Variants in RNLS observed in about 807,000 individuals in gnomAD.
The protein encoded by RNLS is renalase.
Under a neutral mutation model 39.8 loss-of-function variants are expected in RNLS, and 39 were observed. The observed-to-expected ratio is 0.98, with a 90% CI of 0.76 to 1.28. The LOEUF is 1.28. RNLS is among the 50% of genes most tolerant of loss of function. The probability of loss-of-function intolerance (pLI) is 0.00; values close to 1 mark genes in which losing one functional copy is unlikely to be tolerated. For synonymous variants in RNLS, 147 were observed against 150.7 expected (o/e 0.98, Z 0.18); for missense variants, 410 against 413.3 (o/e 0.99, Z 0.07).
chr10:88,457,088 C>A (rs1317090494), intron 4 of RNLS, among the ~76,000 whole-genome samples: 1 of 152,206 alleles, frequency 6.6e-6, no homozygotes, highest in African/African-American at 2.4e-5. Flanking sequence ...TAGCTAAAAT[C>A]CCTGAAGCCC....
chr10:88,581,276 A>ATG (rs1564920956), intron 3 of RNLS, among the ~76,000 whole-genome samples: 76 of 133,916 alleles, frequency 5.7e-4, no homozygotes, highest in African/African-American at 2.2e-3. Flanking sequence ...AGAAATATAT[A>ATG]TGTATGTGTG....
chr10:88,173,253 A>G, the RNLS span, among the ~76,000 whole-genome samples: 298 of 152,264 alleles, frequency 2.0e-3, 2 homozygotes, highest in South Asian at 7.3e-3. Flanking sequence ...CCTTTCTTCA[A>G]TGCATTTTCT....
chr10:88,344,227 A>G (rs139423790), intron 5 of RNLS, among the ~76,000 whole-genome samples: 2 of 152,322 alleles, frequency 1.3e-5, no homozygotes, highest in East Asian at 3.9e-4. Flanking sequence ...TGAGCAAAAT[A>G]CATCTCAGGG....
chr10:88,505,498 G>C (rs1253330473), intron 4 of RNLS, among the ~76,000 whole-genome samples: 11 of 151,584 alleles, frequency 7.3e-5, no homozygotes, highest in Non-Finnish European at 1.5e-4. Flanking sequence ...GAGGAGGCAA[G>C]AAAGTAGGGG....
At chr10:88,351,628 T>C (rs995976459) in intron 5 of RNLS, among the ~76,000 whole-genome samples, 4 of 152,268 alleles carry the variant, frequency 2.6e-5, no homozygotes, top group Non-Finnish European at 5.9e-5. Flanking sequence ...TTTTGGTTAC[T>C]GTAGCCTTGT....
chr10:88,392,432 CAG>C (rs1328281877), intron 4 of RNLS, among the ~76,000 whole-genome samples: 2 of 152,206 alleles, frequency 1.3e-5, no homozygotes, highest in African/African-American at 2.4e-5. Flanking sequence ...AAAGTGAAGG[CAG>C]AGTTTCATAC....
the RNLS span, among the ~76,000 whole-genome samples, chr10:88,196,458 C>A: frequency 6.6e-6 from 1 of 152,182 alleles, no homozygotes; most frequent in Non-Finnish European, 1.5e-5. Context: ...GGTCCACACC[C>A]TTTGCCATGT....
chr10:88,247,136 G>T, the RNLS span, among the ~76,000 whole-genome samples: 1 of 152,164 alleles, frequency 6.6e-6, no homozygotes, highest in Non-Finnish European at 1.5e-5. Context: ...AAGTGGAGGA[G>T]AGATGAAGCT....
At chr10:88,573,563 G>A (rs1849980491) in intron 3 of RNLS, among the ~76,000 whole-genome samples, 1 of 152,116 alleles carries the variant, frequency 6.6e-6, no homozygotes, top group Non-Finnish European at 1.5e-5. Context: ...TCCCATTAAA[G>A]GACCTGAAAA....
chr10:88,372,922 T>C (rs1205409907), intron 4 of RNLS, among the ~76,000 whole-genome samples: 1 of 152,166 alleles, frequency 6.6e-6, no homozygotes, highest in East Asian at 1.9e-4. Context: ...TATTATGCCA[T>C]CATTCTTTTT....
At chr10:88,250,842 C>A in the RNLS span, among the ~76,000 whole-genome samples, 2 of 152,074 alleles carry the variant, frequency 1.3e-5, no homozygotes, top group African/African-American at 4.8e-5. Context: ...AAATATAATT[C>A]GTGAAAGAGG....
chr10:88,551,305 T>G (rs893582498), intron 4 of RNLS, among the ~76,000 whole-genome samples: 3 of 152,212 alleles, frequency 2.0e-5, no homozygotes, highest in African/African-American at 4.8e-5. Flanking sequence ...TATCTAAAAT[T>G]TTTTAATATT....
chr10:88,433,377 TTTTGGTTTCATCA>T (rs1855255775), intron 4 of RNLS, among the ~76,000 whole-genome samples: 1 of 151,948 alleles, frequency 6.6e-6, no homozygotes, highest in African/African-American at 2.4e-5. Flanking sequence ...AGAGTATGAG[TTTTGGTTTCATCA>T]TTTGATCACT....
the RNLS span, among the ~76,000 whole-genome samples, chr10:88,193,297 C>T: frequency 2.6e-5 from 4 of 152,074 alleles, no homozygotes; most frequent in East Asian, 1.9e-4. Flanking sequence ...TTTAGAGCTA[C>T]GGGGATTAGA....
chr10:88,380,908 T>C (rs1245336458), intron 4 of RNLS, among the ~76,000 whole-genome samples: 1 of 152,204 alleles, frequency 6.6e-6, no homozygotes, highest in Non-Finnish European at 1.5e-5. Context: ...CCATTCTTTT[T>C]CCATTGATTT....
rs191340272 is a variant in RNLS, at chr10:88,461,503, C to A, written c.527-98778G>T. ...GTTTCTATCCTTTGGGAAACTTTCT[C>A]TGGCTTCCTTGGGCATATAGGAGAG... On this transcript the variant is annotated intron_variant, in intron 4 of 6. Coordinates refer to ENST00000331772, the MANE Select transcript of RNLS (RefSeq NM_001031709.3). Among the ~76,000 whole-genome samples, 4 of 152,242 alleles carry A rather than the reference C, an allele frequency of 2.6e-5. No homozygotes were observed. In the East Asian group the frequency reaches 5.8e-4, roughly 22 times the overall value.
intron 4 of RNLS, among the ~76,000 whole-genome samples, chr10:88,465,130 A>T (rs542820946): frequency 6.2e-4 from 94 of 152,214 alleles, no homozygotes; most frequent in South Asian, 5.6e-3. Flanking sequence ...ATACTCAATA[A>T]ATATTATTAC....
chr10:88,482,601 A>T (rs1937993721), intron 4 of RNLS, among the ~76,000 whole-genome samples: 1 of 152,078 alleles, frequency 6.6e-6, no homozygotes, highest in Admixed American at 6.6e-5. Context: ...AGTTCTTTGA[A>T]CATGCTTATA....
chr10:88,531,209 C>T (rs1478624705), intron 4 of RNLS, among the ~76,000 whole-genome samples: 1 of 151,436 alleles, frequency 6.6e-6, no homozygotes. Flanking sequence ...TACAGAAGTA[C>T]ACCAGAGGTC....
Sources: allele counts gnomAD v4.1 joint callset (sites outside exome capture counted in the v4.1 genomes callset), GRCh38; gene constraint gnomAD v4.1.1; transcripts MANE v1.5; gene names NCBI Gene and HGNC (gene_info 2026-07-23, HGNC 2026-07-21).